CHD7: variants seen among roughly 807,000 people sequenced by gnomAD.
CHD7 encodes ATP-dependent chromatin remodeler CHD7.
Under a neutral mutation model 307.3 loss-of-function variants are expected in CHD7, and 24 were observed. The ratio of observed to expected loss-of-function variants is 0.08; its 90% CI spans 0.06 to 0.11. CHD7 has a LOEUF of 0.11. Among genes scored for constraint, CHD7 ranks in the 10% least tolerant of loss-of-function variants. The pLI, the probability that CHD7 is intolerant of heterozygous loss-of-function variation, is 1.00. For missense variants in CHD7, 3,106 were observed against 3,727.1 expected (o/e 0.83, Z 4.34); for synonymous variants, 1,363 against 1,349.9 (o/e 1.01, Z -0.21).
chr8:60,853,714 A>T (rs1422650396), intron 31 of CHD7, among the ~76,000 whole-genome samples: 1 of 152,204 alleles, frequency 6.6e-6, no homozygotes, highest in Admixed American at 6.5e-5. Flanking sequence ...AAACTCTAAG[A>T]AGGGTTGCAT....
At chr8:60,791,258 G>A (rs908447117) in intron 3 of CHD7, among the ~76,000 whole-genome samples, 1 of 152,190 alleles carries the variant, frequency 6.6e-6, no homozygotes, top group South Asian at 2.1e-4. Flanking sequence ...TTTCTTCAGT[G>A]CTGGTGCCAT....
chr8:60,687,776 TGAG>T (rs750452771), intron 1 of CHD7, among the ~76,000 whole-genome samples: 1 of 152,186 alleles, frequency 6.6e-6, no homozygotes. Flanking sequence ...ATTTTACAGA[TGAG>T]GAGACTAAAA....
chr8:60,815,240 C>T (rs1803672411), intron 7 of CHD7, among the ~76,000 whole-genome samples: 3 of 152,068 alleles, frequency 2.0e-5, no homozygotes, highest in Non-Finnish European at 4.4e-5. Flanking sequence ...TAAGCATTTC[C>T]TATATCATGA....
At chr8:60,853,602 A>G in intron 31 of CHD7, 102 bp downstream of exon 31, 1 of 911,264 alleles carries the variant, frequency 1.1e-6, no homozygotes, top group Non-Finnish European at 1.6e-6. Context: ...ACGAGTACTT[A>G]GTGTACATTT....
At chr8:60,704,902 C>T (rs924790267) in intron 1 of CHD7, among the ~76,000 whole-genome samples, 1 of 152,136 alleles carries the variant, frequency 6.6e-6, no homozygotes, top group African/African-American at 2.4e-5. Context: ...CACTCACTTG[C>T]TTCCTCTAGT....
intron 1 of CHD7, among the ~76,000 whole-genome samples, chr8:60,734,828 G>T (rs1246870571): frequency 6.6e-6 from 1 of 152,192 alleles, no homozygotes; most frequent in Non-Finnish European, 1.5e-5. Context: ...GAACCTGAAA[G>T]CTATGGGAGG....
At chr8:60,720,788 G>A (rs1419206883) in intron 1 of CHD7, among the ~76,000 whole-genome samples, 3 of 147,880 alleles carry the variant, frequency 2.0e-5, no homozygotes, top group Admixed American at 6.7e-5. Flanking sequence ...TCTAATGGGG[G>A]TAACAAGGAT....
At chr8:60,760,982 C>T (rs1241873179) in intron 2 of CHD7, among the ~76,000 whole-genome samples, 1 of 152,088 alleles carries the variant, frequency 6.6e-6, no homozygotes. Flanking sequence ...CCCAGCCATC[C>T]CATTACTGGA....
At chr8:60,770,631 A>AT (rs1334931461) in intron 2 of CHD7, among the ~76,000 whole-genome samples, 1 of 152,062 alleles carries the variant, frequency 6.6e-6, no homozygotes, top group Non-Finnish European at 1.5e-5. Flanking sequence ...AGCTGCTTAG[A>AT]TATTTTTGCT....
intron 15 of CHD7, among the ~76,000 whole-genome samples, chr8:60,833,295 AGCTT>A (rs1804603873): frequency 6.6e-6 from 1 of 152,264 alleles, no homozygotes; most frequent in Admixed American, 6.5e-5. Flanking sequence ...TATTAGCTCA[AGCTT>A]TATTTCAATG....
intron 9 of CHD7, among the ~76,000 whole-genome samples, chr8:60,820,569 T>C (rs1408837888): frequency 1.3e-5 from 2 of 152,210 alleles, no homozygotes; most frequent in East Asian, 3.8e-4. Context: ...CACTCTTATT[T>C]TGCTTTGCAA....
chr8:60,734,927 G>C (rs1808627578), intron 1 of CHD7, among the ~76,000 whole-genome samples: 1 of 152,182 alleles, frequency 6.6e-6, no homozygotes, highest in African/African-American at 2.4e-5. Context: ...GTTGAGACCA[G>C]AATTAGGAGA....
chr8:60,693,720 T>G (rs538030337), intron 1 of CHD7, among the ~76,000 whole-genome samples: 8 of 152,242 alleles, frequency 5.3e-5, no homozygotes, highest in Non-Finnish European at 8.8e-5. Flanking sequence ...GTAGCTTTAT[T>G]ATGGTTAGGC....
Position 60,814,077 on chromosome 8 carries a change from A to T in CHD7, c.2499-2310A>T, listed in dbSNP as rs528640505. 2.2e-4 allele frequency among the ~76,000 whole-genome samples: 33 copies of T among 152,300 alleles called. No homozygotes were observed. The East Asian group carries it at 6.4e-3, about 29-fold the overall frequency. On this transcript the variant is annotated intron_variant, in intron 7 of 37. Coordinates refer to ENST00000423902, the MANE Select transcript of CHD7 (RefSeq NM_017780.4). ...TTACATTGACTTCTTCATAACTTTT[A>T]AAAAATATTTTAGTTCTAGTCCAGT...
intron 7 of CHD7, among the ~76,000 whole-genome samples, chr8:60,814,309 G>C (rs73253022): frequency 6.0e-4 from 91 of 152,332 alleles, no homozygotes; most frequent in African/African-American, 2.1e-3. Flanking sequence ...CCAGTTCAAG[G>C]CTACACAGGT....
At chr8:60,708,774 C>T (rs1344941513) in intron 1 of CHD7, among the ~76,000 whole-genome samples, 1 of 152,200 alleles carries the variant, frequency 6.6e-6, no homozygotes, top group South Asian at 2.1e-4. Context: ...GTTTCAAATA[C>T]TACCTCTTCT....
At chr8:60,774,964 A>G (rs1458069040) in intron 2 of CHD7, among the ~76,000 whole-genome samples, 1 of 152,130 alleles carries the variant, frequency 6.6e-6, no homozygotes, top group Non-Finnish European at 1.5e-5. Context: ...ACTTTTCAAC[A>G]GTAAATCTAA....
intron 1 of CHD7, among the ~76,000 whole-genome samples, chr8:60,686,444 T>C (rs372972086): frequency 2.6e-5 from 4 of 152,022 alleles, no homozygotes; most frequent in African/African-American, 9.7e-5. Context: ...CTAAGAGGTG[T>C]AGACATCGAA....
chr8:60,742,714 C>G lies in CHD7; in HGVS notation c.1282C>G (p.Pro428Ala), dbSNP rs777909439. 1 of 1,613,024 alleles carries G rather than the reference C, an allele frequency of 6.2e-7. No individual in the cohort carries two copies. Among genetic ancestry groups the G allele is most frequent in the Non-Finnish European group, 8.5e-7 (1 of 1,179,032 alleles). ...GATACCAATGGAAGTTGGCAGTTAT[C>G]CAAATATGCCCCATCCTCAGCCATC... ...AGIPMEVGSY[P>A]NMPHPQPSHQ... The change falls in exon 2 of 38, where the codon CCA becomes GCA. Residue 428 changes from proline to alanine, a missense_variant. By Grantham distance (27) the Pro-to-Ala change is conservative (BLOSUM62 -1). Transcript: ENST00000423902.
Sources: gnomAD v4.1 joint callset for allele counts (sites outside exome capture counted in the v4.1 genomes callset) on GRCh38, gnomAD v4.1.1 for gene constraint, MANE v1.5 for transcripts, NCBI Gene and HGNC (gene_info 2026-07-23, HGNC 2026-07-21) for gene names.